ASTN1: variants seen among roughly 807,000 people sequenced by gnomAD.
The protein encoded by ASTN1 is astrotactin 1.
A neutral mutation model predicts 140.7 loss-of-function variants in ASTN1; 41 were observed. The observed-to-expected ratio is 0.29, with a 90% CI of 0.23 to 0.38. The LOEUF is 0.38. ASTN1 is among the 10% of genes least tolerant of loss of function. The pLI, the probability that ASTN1 is intolerant of heterozygous loss-of-function variation, is 1.00. For missense variants in ASTN1, 1,479 were observed against 1,678.8 expected, an observed-to-expected ratio of 0.88 and a Z score of 2.08; for synonymous variants, 640 against 652.2, an observed-to-expected ratio of 0.98 and a Z score of 0.29.
intron 22 of ASTN1, among the ~76,000 whole-genome samples, chr1:176,867,709 G>A (rs1668175151): frequency 6.6e-6 from 1 of 152,078 alleles, no homozygotes; most frequent in Non-Finnish European, 1.5e-5. Context: ...TCCTTCAAAA[G>A]TAAGAAAATA....
intron 16 of ASTN1, among the ~76,000 whole-genome samples, chr1:176,913,028 A>C (rs1335816525): frequency 2.0e-5 from 3 of 152,220 alleles, no homozygotes; most frequent in Admixed American, 6.5e-5. Flanking sequence ...CCTGCAGGTA[A>C]CAGGTATGCT....
At chr1:177,071,390 T>C (rs552094803) in intron 1 of ASTN1, among the ~76,000 whole-genome samples, 5 of 152,296 alleles carry the variant, frequency 3.3e-5, no homozygotes, top group African/African-American at 1.2e-4. Flanking sequence ...AAGGAGCAAA[T>C]GGATGCAATA....
chr1:176,894,719 C>T lies in ASTN1; in HGVS notation c.2783G>A (p.Gly928Glu), dbSNP rs1441303207. The change falls in exon 17 of 23, where the codon GGA (glycine) becomes GAA (glutamate). Residue 928 changes from glycine to glutamate, a missense_variant. Coordinates refer to ENST00000361833, the MANE Select transcript of ASTN1 (RefSeq NM_004319.3). The part of the protein sequence containing the change: ...SDSGTKHMAA[G>E]VRMECHSKGR... The stretch of plus-strand genomic sequence containing the variant: ...CTTGCTGTGGCACTCCATGCGGACT[C>T]CAGCCGCCATGTGCTTGGTGCCGGA... 4.3e-6 allele frequency: 7 copies of T among 1,614,018 alleles called. No homozygotes were observed. In the African/African-American group the frequency reaches 8.0e-5, roughly 18 times the overall value.
chr1:177,074,310 T>C (rs1678785931), intron 1 of ASTN1, among the ~76,000 whole-genome samples: 1 of 152,212 alleles, frequency 6.6e-6, no homozygotes, highest in African/African-American at 2.4e-5. Context: ...ATATCATTTA[T>C]AAAGATTGTT....
intron 11 of ASTN1, among the ~76,000 whole-genome samples, chr1:176,952,449 G>T (rs184957257): frequency 2.2e-4 from 33 of 151,976 alleles, no homozygotes; most frequent in Non-Finnish European, 4.1e-4. Flanking sequence ...ACTGGAACTT[G>T]CTTAGGCTGC....
rs16850688 is a variant in ASTN1 at position 177,046,307 on chromosome 1, C to G, written c.472-13458G>C. Among the ~76,000 whole-genome samples the G allele has an allele frequency of 9.9e-3, 1,502 of 152,286 alleles. 24 individuals carry two copies. Among genetic ancestry groups the G allele is most frequent in the African/African-American group, 0.033 (1,358 of 41,554 alleles). ...TTATAGGTCATTTATAACTTTGACT[C>G]CACTCTAATGGAGAAAAGAAAACCA... On this transcript the variant is annotated intron_variant, in intron 2 of 22. Coordinates refer to ENST00000361833, the MANE Select transcript of ASTN1 (RefSeq NM_004319.3).
At chr1:177,148,076 C>A (rs1682796910) in intron 1 of ASTN1, among the ~76,000 whole-genome samples, 1 of 152,182 alleles carries the variant, frequency 6.6e-6, no homozygotes, top group Non-Finnish European at 1.5e-5. Context: ...TGAGCCTATG[C>A]ATCTTCTTTA....
At chr1:177,027,833 C>T (rs1676207797) in intron 5 of ASTN1, among the ~76,000 whole-genome samples, 1 of 151,006 alleles carries the variant, frequency 6.6e-6, no homozygotes, top group African/African-American at 2.4e-5. Flanking sequence ...CCATTGCTTT[C>T]AGGTAGGATT....
downstream of ASTN1, chr1:176,857,503 G>A (rs1667848437): frequency 2.3e-6 from 1 of 431,252 alleles, no homozygotes; most frequent in Non-Finnish European, 4.2e-6. Flanking sequence ...TTGAGGGGAT[G>A]GAAGGTCACA....
chr1:177,061,414 A>C, intron 1 of ASTN1, 149 bp from the exon 2 acceptor site: 1 of 602,748 alleles, frequency 1.7e-6, no homozygotes. Context: ...TTTTACTGCT[A>C]CTCCAAACCA....
rs554570398 is a variant in ASTN1 at position 177,024,497 on chromosome 1, T to C, written c.1270+86A>G. Reference sequence around the variant, plus strand: ...CCCCCGGTAGAGTAATAGGTAACAGTGACTCCTGTCTTCTCTAGCCTTTGC... The same window carrying C: ...CCCCCGGTAGAGTAATAGGTAACAGCGACTCCTGTCTTCTCTAGCCTTTGC... On this transcript the variant is annotated intron_variant, in intron 6 of 22. Coordinates refer to ENST00000361833, the MANE Select transcript of ASTN1 (RefSeq NM_004319.3). The C allele has an allele frequency of 3.0e-5, 45 of 1,503,110 alleles. No homozygotes were observed. In the East Asian group the frequency reaches 1.0e-3, roughly 34 times the overall value. 93.1% of individuals were successfully genotyped at this position (1,503,110 alleles called of 1,614,324 possible). A position where few individuals can be genotyped will look rare whatever the true frequency, so the allele number is the denominator to read the frequency against.
intron 8 of ASTN1, 85 bp from the exon 9 acceptor site, chr1:176,965,322 G>GTCTACCACCTAGCACTGT: frequency 7.3e-7 from 1 of 1,367,024 alleles, no homozygotes. Flanking sequence ...AGTGCTAGGT[G>GTCTACCACCTAGCACTGT]GTAGACACCC....
chr1:177,014,383 C>T (rs939193458), intron 8 of ASTN1, among the ~76,000 whole-genome samples: 1 of 152,136 alleles, frequency 6.6e-6, no homozygotes, highest in African/African-American at 2.4e-5. Context: ...CTGGTGAAAA[C>T]AAATTTCCAC....
intron 8 of ASTN1, among the ~76,000 whole-genome samples, chr1:176,993,489 A>T (rs1172296239): frequency 2.6e-5 from 4 of 152,118 alleles, no homozygotes; most frequent in African/African-American, 7.2e-5. Context: ...GCAGGAAGAC[A>T]TTTATCCTTA....
At chr1:177,062,041 G>GCCACC in intron 1 of ASTN1, among the ~76,000 whole-genome samples, 1 of 152,058 alleles carries the variant, frequency 6.6e-6, no homozygotes, top group Non-Finnish European at 1.5e-5. Context: ...CCCTAGCACT[G>GCCACC]TAGTTGGTGC....
chr1:176,969,146 A>AC (rs931350966), intron 8 of ASTN1, among the ~76,000 whole-genome samples: 123 of 149,550 alleles, frequency 8.2e-4, no homozygotes, highest in African/African-American at 1.7e-3. Context: ...AAAGTAAGAA[A>AC]CCCCCCCGCC....
chr1:177,104,133 A>T (rs17314087), intron 1 of ASTN1, among the ~76,000 whole-genome samples: 10,754 of 152,020 alleles, frequency 0.071, 458 homozygotes, highest in Middle Eastern at 0.17. Context: ...ACATCCTAAC[A>T]AGCAGAGCAT....
At chr1:177,148,126 G>A (rs540955440) in intron 1 of ASTN1, among the ~76,000 whole-genome samples, 5 of 152,106 alleles carry the variant, frequency 3.3e-5, no homozygotes, top group South Asian at 4.2e-4. Context: ...TCTTACAATC[G>A]AAAATTTTCA....
Position 176,862,517 on chromosome 1 carries a change from G to C in ASTN1, c.*1767C>G. 1 of 985,388 alleles carries C rather than the reference G, an allele frequency of 1.0e-6. No individual in the cohort carries two copies. The highest frequency in any genetic ancestry group is 1.2e-6 in the Non-Finnish European group (1 of 829,942). 61.0% of individuals were successfully genotyped at this position (985,388 alleles called of 1,614,324 possible). A position where few individuals can be genotyped will look rare whatever the true frequency, so the allele number is the denominator to read the frequency against. ...AAGCTCTCTGGGCAGGTTCCCTGTG[G>C]GGCTGAGAGCTTGGACAGTTGTGTG... On this transcript the variant is annotated 3_prime_UTR_variant, in exon 23 of 23. Coordinates refer to ENST00000361833, the MANE Select transcript of ASTN1 (RefSeq NM_004319.3).
Sources: gnomAD v4.1 joint callset for allele counts (sites outside exome capture counted in the v4.1 genomes callset) on GRCh38, gnomAD v4.1.1 for gene constraint, MANE v1.5 for transcripts, NCBI Gene and HGNC (gene_info 2026-07-23, HGNC 2026-07-21) for gene names.